The following CCDC102B variants were observed in gnomAD, a reference collection of about 807,000 sequenced individuals.
CCDC102B encodes coiled-coil domain-containing protein 102B.
CCDC102B carries 75 observed loss-of-function variants against 57.4 expected under a neutral mutation model. That is an observed-to-expected ratio of 1.31 (90% confidence interval 1.08 to 1.58). The LOEUF is 1.58. CCDC102B is among the 40% of genes most tolerant of loss of function. CCDC102B has a pLI of 0.00. For synonymous variants in CCDC102B, 206 were observed against 201.9 expected (o/e 1.02, Z -0.17); for missense variants, 636 against 582.6 (o/e 1.09, Z -0.94).
chr18:68,881,388 A>T (rs2039687484), intron 5 of CCDC102B, among the ~76,000 whole-genome samples: 1 of 152,248 alleles, frequency 6.6e-6, no homozygotes, highest in African/African-American at 2.4e-5. Flanking sequence ...TCATTTAATC[A>T]ACACATCAAT....
At chr18:68,746,720 T>C (rs937188100) in intron 2 of CCDC102B, among the ~76,000 whole-genome samples, 1 of 152,012 alleles carries the variant, frequency 6.6e-6, no homozygotes, top group African/African-American at 2.4e-5. Context: ...CATGTCATTA[T>C]TGGGTTATCA....
intron 6 of CCDC102B, among the ~76,000 whole-genome samples, chr18:68,991,406 G>A (rs552387601): frequency 5.2e-4 from 79 of 152,256 alleles, no homozygotes; most frequent in African/African-American, 1.9e-3. Context: ...CAATTACAGG[G>A]CACTAAGTGT....
rs143830401 is a variant in CCDC102B, at chr18:68,779,842, T to C, written c.-66-43524T>C. Among the ~76,000 whole-genome samples, 458 of 152,232 alleles carry C rather than the reference T, an allele frequency of 3.0e-3. 10 individuals carry two copies. The highest frequency in any genetic ancestry group is 9.6e-4 in the East Asian group (5 of 5,184). The stretch of plus-strand genomic sequence containing the variant: ...TGATTTTTTAAAAAGAAAACAATTG[T>C]ATTGAGCTATAATTCACATACCATA... On this transcript the variant is annotated intron_variant, in intron 2 of 3. Coordinates refer to the CCDC102B transcript ENST00000578970.
intron 1 of CCDC102B, among the ~76,000 whole-genome samples, chr18:68,716,084 AT>A (rs2031960392): frequency 6.6e-6 from 1 of 151,860 alleles, no homozygotes; most frequent in Non-Finnish European, 1.5e-5. Context: ...CCCTCTACAG[AT>A]TCAATTTTTC....
chr18:68,720,459 A>T (rs2032262910), intron 2 of CCDC102B, among the ~76,000 whole-genome samples: 1 of 152,224 alleles, frequency 6.6e-6, no homozygotes. Context: ...GAAAATATTT[A>T]AAAACTCAGG....
intron 1 of CCDC102B, among the ~76,000 whole-genome samples, chr18:68,818,680 A>G (rs1373809438): frequency 6.6e-6 from 1 of 152,140 alleles, no homozygotes; most frequent in Non-Finnish European, 1.5e-5. Context: ...TGTTTGTGAG[A>G]TTCCTCCAAC....
intron 4 of CCDC102B, among the ~76,000 whole-genome samples, chr18:68,865,341 G>A (rs1294533931): frequency 6.6e-6 from 1 of 151,938 alleles, no homozygotes; most frequent in African/African-American, 2.4e-5. Flanking sequence ...GTATCTTAGG[G>A]TTCATAGGGA....
intron 1 of CCDC102B, among the ~76,000 whole-genome samples, chr18:68,811,617 AAAAC>A (rs1362383996): frequency 3.9e-5 from 6 of 152,222 alleles, no homozygotes; most frequent in Admixed American, 2.6e-4. Context: ...TTTCATCTCA[AAAAC>A]AAACAAACAA....
intron 2 of CCDC102B, chr18:68,754,310 AG>A (rs1167802813): frequency 2.6e-5 from 4 of 152,224 alleles, no homozygotes; most frequent in African/African-American, 9.6e-5. Context: ...AATCAGTCAG[AG>A]GTGTGTATAT....
At chr18:68,798,350 C>T (rs1242363038) in intron 1 of CCDC102B, 169 bp downstream of exon 1, 1 of 152,090 alleles carries the variant, frequency 6.6e-6, no homozygotes, top group Non-Finnish European at 1.5e-5. Flanking sequence ...AAAGTGATTC[C>T]TTCCTTTCCC....
chr18:68,741,698 CA>C (rs2033392839), intron 2 of CCDC102B, among the ~76,000 whole-genome samples: 7 of 125,982 alleles, frequency 5.6e-5, no homozygotes, highest in Admixed American at 5.5e-4. Flanking sequence ...CACACACACA[CA>C]CACACACACA....
intron 2 of CCDC102B, 69 bp downstream of exon 2, chr18:68,837,438 A>G: frequency 6.9e-7 from 1 of 1,446,062 alleles, no homozygotes; most frequent in South Asian, 1.3e-5. Flanking sequence ...GGAAGAAGGA[A>G]GTGACAAATG....
chr18:69,010,793 A>T (rs2051494289), intron 6 of CCDC102B, 141 bp from the exon 7 acceptor site: 2 of 572,668 alleles, frequency 3.5e-6, no homozygotes, highest in Non-Finnish European at 6.0e-6. Context: ...CTGATTACAG[A>T]AATGTAGAAT....
chr18:68,773,287 A>G (rs2034701862), intron 2 of CCDC102B, among the ~76,000 whole-genome samples: 1 of 152,090 alleles, frequency 6.6e-6, no homozygotes, highest in African/African-American at 2.4e-5. Flanking sequence ...GTGAAATAGT[A>G]TAATAGTAAC....
At position 69,054,230 on chromosome 18, in the gene CCDC102B, T is replaced by C; in HGVS notation, c.*93T>C. ...TATCAGTAAAATTGTTTTTATTAAC[T>C]AGAAATATTAATGAAAAAAACGTAG... On this transcript the variant is annotated 3_prime_UTR_variant, in exon 8 of 8. Coordinates refer to ENST00000360242, the MANE Select transcript of CCDC102B (RefSeq NM_024781.3). The C allele has an allele frequency of 7.2e-7, 1 of 1,391,570 alleles. No individual in the cohort carries two copies. 86.2% of individuals were successfully genotyped at this position (1,391,570 alleles called of 1,614,324 possible). A position where few individuals can be genotyped will look rare whatever the true frequency, so the allele number is the denominator to read the frequency against.
chr18:68,905,917 C>T (rs1410599918), intron 6 of CCDC102B, among the ~76,000 whole-genome samples: 1 of 150,402 alleles, frequency 6.6e-6, no homozygotes, highest in East Asian at 2.0e-4. Flanking sequence ...CCTCAGCCTC[C>T]CAGGTAGCTG....
At chr18:68,730,333 A>C (rs1393263755) in intron 2 of CCDC102B, among the ~76,000 whole-genome samples, 1 of 152,178 alleles carries the variant, frequency 6.6e-6, no homozygotes, top group East Asian at 1.9e-4. Flanking sequence ...ATTTACTTCT[A>C]AGTATCCCTA....
chr18:69,023,431 G>A (rs1181574423), intron 7 of CCDC102B, among the ~76,000 whole-genome samples: 1 of 151,966 alleles, frequency 6.6e-6, no homozygotes, highest in Non-Finnish European at 1.5e-5. Context: ...ACAGTGTTTA[G>A]TAACCTTATA....
chr18:68,863,497 G>A (rs1435849992), intron 4 of CCDC102B, among the ~76,000 whole-genome samples: 1 of 151,874 alleles, frequency 6.6e-6, no homozygotes, highest in African/African-American at 2.4e-5. Context: ...GATGAATCAG[G>A]AGTTGCAAAG....
Sources: gnomAD v4.1 joint callset for allele counts (sites outside exome capture counted in the v4.1 genomes callset) on GRCh38, gnomAD v4.1.1 for gene constraint, MANE v1.5 for transcripts, NCBI Gene and HGNC (gene_info 2026-07-23, HGNC 2026-07-21) for gene names.